Variants in DNAH6 observed in about 807,000 individuals in gnomAD.
DNAH6 encodes axonemal beta dynein heavy chain 6.
DNAH6 carries 340 observed loss-of-function variants against 491.4 expected under a neutral mutation model. The ratio of observed to expected loss-of-function variants is 0.69; its 90% CI spans 0.63 to 0.76. DNAH6 has a LOEUF of 0.76. Ranked by LOEUF, DNAH6 falls within the 30% of genes least tolerant of loss-of-function variation. The pLI, the probability that DNAH6 is intolerant of heterozygous loss-of-function variation, is 0.00. For synonymous variants in DNAH6, 1,603 were observed against 1,686.1 expected (o/e 0.95, Z 1.21); for missense variants, 4,443 against 4,972.2 (o/e 0.89, Z 3.20).
intron 33 of DNAH6, among the ~76,000 whole-genome samples, chr2:84,644,626 G>C (rs989183692): frequency 6.6e-6 from 1 of 152,046 alleles, no homozygotes; most frequent in South Asian, 2.1e-4. Context: ...GGTGTGTGTT[G>C]TTCCCCACCA....
In DNAH6 at chr2:84,727,907, C is replaced by G; in HGVS notation, c.10206+5C>G. The G allele has an allele frequency of 6.6e-7, 1 of 1,521,092 alleles. No individual in the cohort carries two copies. 94.2% of individuals were successfully genotyped at this position (1,521,092 alleles called of 1,614,324 possible). On this transcript the variant is annotated splice_donor_5th_base_variant and intron_variant, in intron 61 of 76. Transcript: ENST00000389394. ...GGTTCTGCAGGATTGGAAAAGGTAC[C>G]TGATTCCCATTTAGGTGATGATTGA... is the stretch of plus-strand genomic sequence containing the variant.
chr2:84,706,994 A>G lies in DNAH6; in HGVS notation c.8826A>G (p.Lys2942=). ...QIQALQDEYD[K]GVNEKESLAK... Reference sequence around the variant, plus strand: ...AGGCCTTACAAGATGAATATGACAAAGGTGTAAATGAAAAAGAAAGCCTGG... The same window carrying G: ...AGGCCTTACAAGATGAATATGACAAGGGTGTAAATGAAAAAGAAAGCCTGG... Residue 2942 remains lysine (K), a synonymous_variant, in exon 53 of 77, where the codon AAA becomes AAG. Transcript: ENST00000389394. 6.6e-7 allele frequency: 1 copy of G among 1,525,930 alleles called. No individual in the cohort carries two copies. The highest frequency in any genetic ancestry group is 1.3e-5 in the South Asian group (1 of 77,806). The allele number at this position is 1,525,930 out of a possible 1,614,324, so 94.5% of individuals were successfully genotyped here.
At chr2:84,499,205 C>T in the DNAH6 span, among the ~76,000 whole-genome samples, 7 of 152,156 alleles carry the variant, frequency 4.6e-5, no homozygotes, top group African/African-American at 1.7e-4. Flanking sequence ...CTACCCTTCC[C>T]AGTCTCTGGT....
chr2:84,780,340 T>C (rs182567584), intron 64 of DNAH6, among the ~76,000 whole-genome samples: 64 of 152,328 alleles, frequency 4.2e-4, no homozygotes, highest in African/African-American at 1.3e-3. Context: ...TTTTAAATTC[T>C]TTTTTCTTTA....
At position 84,739,818 on chromosome 2, in the gene DNAH6, A is replaced by G. The variant is rs143960678; in HGVS notation, c.10343-5262A>G. ...TCTGGCTTCTTTGTGTGGGATTTCA[A>G]CTTTCTCCTGGATCTCATTGAGTTT... is the stretch of plus-strand genomic sequence containing the variant. On this transcript the variant is annotated intron_variant, in intron 62 of 76. Transcript: ENST00000389394. 4.1e-3 allele frequency among the ~76,000 whole-genome samples: 627 copies of G among 152,056 alleles called. 3 individuals carry two copies. Among genetic ancestry groups the G allele is most frequent in the African/African-American group, 0.014 (587 of 41,490 alleles).
chr2:84,587,059 A>C (rs6757181), intron 15 of DNAH6, among the ~76,000 whole-genome samples: 146,967 of 152,204 alleles, frequency 0.97, 71,002 homozygotes, highest in East Asian at 1. Context: ...ACCCAGATAC[A>C]AGGCCTAGTA....
At chr2:84,683,659 G>C (rs1213281684) in intron 42 of DNAH6, among the ~76,000 whole-genome samples, 1 of 151,998 alleles carries the variant, frequency 6.6e-6, no homozygotes, top group Non-Finnish European at 1.5e-5. Flanking sequence ...CTGACCTCAG[G>C]TGATCCACCT....
intron 64 of DNAH6, among the ~76,000 whole-genome samples, chr2:84,772,588 A>C (rs1162485627): frequency 6.6e-6 from 1 of 152,126 alleles, no homozygotes; most frequent in Non-Finnish European, 1.5e-5. Context: ...GACAATCATC[A>C]AAAAGACATA....
Position 84,797,555 on chromosome 2 carries a change from T to A in DNAH6, c.11378T>A (p.Met3793Lys). 6.4e-7 allele frequency: 1 copy of A among 1,551,886 alleles called. No homozygotes were observed. The highest frequency in any genetic ancestry group is 8.7e-7 in the Non-Finnish European group (1 of 1,146,982). ...YSESGIYFAP[M>K]ADSLQEFKDY... ...ATAACAGGCATCTATTTTGCACCCA[T>A]GGCTGACAGCCTACAAGAGTTTAAG... is the stretch of plus-strand genomic sequence containing the variant. The change falls in exon 70 of 77, where the codon ATG becomes AAG. Residue 3793 changes from methionine (M) to lysine (K), a missense_variant. Met to Lys is a moderately conservative substitution (Grantham distance 95). This residue lies in a region of DNAH6 where 1,463 missense variants were observed against 1,656.6 expected (regional missense o/e 0.88). Coordinates refer to ENST00000389394, the MANE Select transcript of DNAH6 (RefSeq NM_001370.2).
intron 12 of DNAH6, among the ~76,000 whole-genome samples, chr2:84,576,260 A>T (rs549668770): frequency 7.2e-4 from 109 of 152,300 alleles, no homozygotes; most frequent in African/African-American, 2.4e-3. Context: ...TTATATTATG[A>T]GGAAGCTGAA....
the DNAH6 span, among the ~76,000 whole-genome samples, chr2:84,495,059 G>A: frequency 6.6e-6 from 1 of 152,162 alleles, no homozygotes; most frequent in African/African-American, 2.4e-5. Context: ...TCAATGTCTG[G>A]ATCTCTCACT....
chr2:84,660,216 T>G (rs1347921681), intron 37 of DNAH6, among the ~76,000 whole-genome samples: 1 of 152,112 alleles, frequency 6.6e-6, no homozygotes, highest in African/African-American at 2.4e-5. Flanking sequence ...CTATTTTATG[T>G]TGCATAGTAA....
chr2:84,460,396 C>A, the DNAH6 span, among the ~76,000 whole-genome samples: 2 of 152,184 alleles, frequency 1.3e-5, no homozygotes, highest in African/African-American at 4.8e-5. Flanking sequence ...TCCATTATAA[C>A]AAAATGGACA....
chr2:84,681,456 G>A lies in DNAH6; in HGVS notation c.6844G>A (p.Val2282Ile). ...ASVEIYNKMSVDLLPTPAKSH... is the reference protein window; with the variant it reads ...ASVEIYNKMSIDLLPTPAKSH... ...AGTTGAGATTTATAACAAAATGAGT[G>A]TTGACCTCCTGCCAACACCCGCCAA... The change falls in exon 42 of 77, where the codon GTT becomes ATT. Residue 2282 changes from valine (V) to isoleucine (I), a missense_variant. Around this residue, in one of 3 missense-constraint regions of DNAH6, gnomAD observed 2,977 missense variants for 3,296.6 expected, o/e 0.90. Transcript: ENST00000389394. 1 of 1,551,408 alleles carries A rather than the reference G, an allele frequency of 6.4e-7. No homozygotes were observed. Among genetic ancestry groups the A allele is most frequent in the Non-Finnish European group, 8.7e-7 (1 of 1,146,848 alleles).
At position 84,710,323 on chromosome 2, in the gene DNAH6, G is replaced by T. The variant is rs888337976; in HGVS notation, c.9289G>T (p.Gly3097Cys). ...GATAAGGAACAAGGAAAGCAAAAGT[G>T]GTTTAAAGATCATTAAGCTTACAGA... is the stretch of plus-strand genomic sequence containing the variant. ...RWIRNKESKS[G>C]LKIIKLTDSN... Residue 3097 changes from glycine (G) to cysteine (C), a missense_variant, in exon 56 of 77, where the codon GGT (glycine) becomes TGT (cysteine). By Grantham distance (159) the Gly-to-Cys change is radical (BLOSUM62 -3). Around this residue, in one of 3 missense-constraint regions of DNAH6, gnomAD observed 1,463 missense variants for 1,656.6 expected, o/e 0.88. Coordinates refer to ENST00000389394, the MANE Select transcript of DNAH6 (RefSeq NM_001370.2). 4 of 1,551,526 alleles carry T rather than the reference G, an allele frequency of 2.6e-6. No individual in the cohort carries two copies. The highest frequency in any genetic ancestry group is 1.4e-5 in the African/African-American group (1 of 73,150).
rs182683366 is a variant in DNAH6, at chr2:84,750,226, C to A, written c.10512+4977C>A. 5.4e-3 allele frequency among the ~76,000 whole-genome samples: 730 copies of A among 135,242 alleles called. 8 individuals carry two copies. Among genetic ancestry groups the A allele is most frequent in the African/African-American group, 0.019 (692 of 36,278 alleles). The allele number at this position is 135,242 out of a possible 152,430, so 88.7% of individuals were successfully genotyped here. ...TTTTTTTTGGAGATGGAGTCTCTCT[C>A]TGTTGCCTGGGTGGGAGTGCAGTGG... On this transcript the variant is annotated intron_variant, in intron 63 of 76. Transcript: ENST00000389394.
intron 3 of DNAH6, among the ~76,000 whole-genome samples, chr2:84,526,551 G>A (rs1479194705): frequency 2.0e-5 from 3 of 152,110 alleles, no homozygotes; most frequent in African/African-American, 4.8e-5. Context: ...CCTGGCCATC[G>A]GGGGGCCAGT....
At chr2:84,641,815 C>CACGAGGGAAAATGATCTTCTCCTTCTAA in intron 32 of DNAH6, 132 bp from the exon 33 acceptor site, 1 of 679,736 alleles carries the variant, frequency 1.5e-6, no homozygotes, top group Non-Finnish European at 2.4e-6. Flanking sequence ...ACGCTGAACA[C>CACGAGGGAAAATGATCTTCTCCTTCTAA]ACGAGGGAAA....
At chr2:84,606,838 G>C in intron 20 of DNAH6, 138 bp from the exon 21 acceptor site, 1 of 832,354 alleles carries the variant, frequency 1.2e-6, no homozygotes, top group East Asian at 2.7e-5. Context: ...AAATTGATGA[G>C]TAGGAAACAG....
Sources: gnomAD v4.1 joint callset for allele counts (sites outside exome capture counted in the v4.1 genomes callset) on GRCh38, gnomAD v4.1.1 for gene constraint, gnomAD v4.1.1 regional missense constraint, MANE v1.5 for transcripts, NCBI Gene and HGNC (gene_info 2026-07-23, HGNC 2026-07-21) for gene names.